The following ABCA13 variants were observed in gnomAD, a reference collection of about 807,000 sequenced individuals.
The protein encoded by ABCA13 is ATP binding cassette subfamily A member 13, also known as ATP-binding cassette sub-family A member 13.
A neutral mutation model predicts 478.7 loss-of-function variants in ABCA13; 476 were observed. The ratio of observed to expected loss-of-function variants is 0.99; its 90% CI spans 0.92 to 1.07. The LOEUF (loss-of-function observed/expected upper bound fraction) is 1.07. Among genes scored for constraint, ABCA13 ranks in the 50% least tolerant of loss-of-function variants. ABCA13 has a pLI of 0.00. For synonymous variants in ABCA13, 2,252 were observed against 2,158.9 expected, an observed-to-expected ratio of 1.04 and a Z score of -1.20; for missense variants, 6,060 against 5,910.6, an observed-to-expected ratio of 1.03 and a Z score of -0.83.
At chr7:48,242,581 G>C (rs765946977) in intron 10 of ABCA13, among the ~76,000 whole-genome samples, 1 of 152,026 alleles carries the variant, frequency 6.6e-6, no homozygotes, top group Non-Finnish European at 1.5e-5. Flanking sequence ...GGGATTACAG[G>C]CTCACACCAC....
At chr7:48,297,411 T>G in intron 22 of ABCA13, 100 bp downstream of exon 22, 1 of 1,136,610 alleles carries the variant, frequency 8.8e-7, no homozygotes, top group African/African-American at 1.6e-5. Flanking sequence ...AAATTTATGC[T>G]ATATGTGATA....
At chr7:48,534,466 G>A (rs188952661) in intron 55 of ABCA13, among the ~76,000 whole-genome samples, 154 of 152,126 alleles carry the variant, frequency 1.0e-3, no homozygotes, top group Admixed American at 2.3e-3. Flanking sequence ...GCATGGTTTT[G>A]AGGGTTCCTT....
chr7:48,392,000 A>C lies in ABCA13; in HGVS notation c.11734A>C (p.Arg3912=), dbSNP rs747465283. 1 of 1,614,008 alleles carries C rather than the reference A, an allele frequency of 6.2e-7. No individual in the cohort carries two copies. Among genetic ancestry groups the C allele is most frequent in the East Asian group, 2.2e-5 (1 of 44,866 alleles). The change falls in exon 38 of 62, where the codon AGG becomes CGG. Residue 3912 remains arginine, a synonymous_variant. Transcript: ENST00000435803. ...CAAGAACCTACAGACAGACCTGTCG[A>C]GGGTCAGAATGGAGCTTGGTGTGTG... The part of the protein sequence containing the change: ...NGKNLQTDLS[R]VRMELGVCPQ...
At chr7:48,262,488 A>G (rs1413273360) in intron 15 of ABCA13, among the ~76,000 whole-genome samples, 1 of 151,868 alleles carries the variant, frequency 6.6e-6, no homozygotes, top group Non-Finnish European at 1.5e-5. Context: ...CTTGAAGTTT[A>G]AGCTTAAACT....
chr7:48,559,331 T>C lies in ABCA13; in HGVS notation c.14355-20893T>C, dbSNP rs548606634. ...ACCATCACTACTGGCTCACAGGGAG[T>C]TCTTCAAGGCCAACGCTGATGTCCC... On this transcript the variant is annotated intron_variant, in intron 55 of 61. Transcript: ENST00000435803. 3.4e-4 allele frequency among the ~76,000 whole-genome samples: 52 copies of C among 151,694 alleles called. 1 individual carries two copies. In the South Asian group the frequency reaches 5.4e-3, roughly 16 times the overall value.
intron 3 of ABCA13, among the ~76,000 whole-genome samples, chr7:48,213,109 T>C (rs1417627421): frequency 6.6e-6 from 1 of 152,210 alleles, no homozygotes; most frequent in Non-Finnish European, 1.5e-5. Context: ...TGGTGTGATG[T>C]AACTTTTGAG....
At chr7:48,637,458 T>C (rs983261654) in intron 59 of ABCA13, among the ~76,000 whole-genome samples, 1 of 145,910 alleles carries the variant, frequency 6.9e-6, no homozygotes, top group African/African-American at 2.6e-5. Flanking sequence ...TTAGCTCTCT[T>C]GGCCTCTCAA....
intron 27 of ABCA13, among the ~76,000 whole-genome samples, chr7:48,324,786 G>T (rs1460846830): frequency 5.3e-5 from 8 of 152,158 alleles, no homozygotes; most frequent in Admixed American, 5.2e-4. Context: ...CATGGCGTTT[G>T]TTCCTTGGGA....
chr7:48,233,919 TC>T, intron 7 of ABCA13, 98 bp from the exon 8 acceptor site: 1 of 1,389,434 alleles, frequency 7.2e-7, no homozygotes, highest in Non-Finnish European at 9.7e-7. Flanking sequence ...CATTTGCTCT[TC>T]CTTTAGAGGT....
At chr7:48,307,179 A>G (rs965142626) in intron 23 of ABCA13, among the ~76,000 whole-genome samples, 38 of 152,258 alleles carry the variant, frequency 2.5e-4, no homozygotes, top group African/African-American at 9.1e-4. Flanking sequence ...GAAATGCATC[A>G]TTAGGTGATA....
chr7:48,373,312 A>T (rs913370108), intron 33 of ABCA13, among the ~76,000 whole-genome samples: 1 of 152,300 alleles, frequency 6.6e-6, no homozygotes, highest in Non-Finnish European at 1.5e-5. Context: ...CCAGCACAGG[A>T]TTCATGACGG....
At chr7:48,232,166 G>GTTTTTTTTTTTTTTTTT (rs1789240529) in intron 7 of ABCA13, among the ~76,000 whole-genome samples, 4 of 14,280 alleles carry the variant, frequency 2.8e-4, no homozygotes, top group Admixed American at 1.1e-3. Flanking sequence ...TTTTTTTTTA[G>GTTTTTTTTTTTTTTTTT]CTTTCTGTAA....
intron 53 of ABCA13, among the ~76,000 whole-genome samples, chr7:48,522,164 G>A (rs1024095807): frequency 2.0e-5 from 3 of 152,128 alleles, no homozygotes; most frequent in African/African-American, 4.8e-5. Flanking sequence ...ACTCATAATT[G>A]AATCTTGCAA....
intron 54 of ABCA13, among the ~76,000 whole-genome samples, 194 bp downstream of exon 54, chr7:48,524,634 CTGAT>C (rs10544128): frequency 0.084 from 12,721 of 152,020 alleles, 909 homozygotes; most frequent in African/African-American, 0.2. Context: ...AAAAACTTGG[CTGAT>C]TGATAGGATT....
intron 38 of ABCA13, among the ~76,000 whole-genome samples, chr7:48,393,309 C>G (rs1162025920): frequency 6.6e-6 from 1 of 152,172 alleles, no homozygotes; most frequent in Non-Finnish European, 1.5e-5. Context: ...GGGCTCTGCC[C>G]CCTCAGGAAG....
intron 27 of ABCA13, among the ~76,000 whole-genome samples, chr7:48,326,726 T>A (rs1328282017): frequency 6.6e-6 from 1 of 152,236 alleles, no homozygotes. Flanking sequence ...TATATTTTAC[T>A]GTATTCTCCA....
At chr7:48,398,618 T>C (rs1817179667) in intron 38 of ABCA13, among the ~76,000 whole-genome samples, 1 of 152,194 alleles carries the variant, frequency 6.6e-6, no homozygotes, top group Non-Finnish European at 1.5e-5. Context: ...TTGCCCTTAA[T>C]TTGGCCTAAA....
At chr7:48,525,368 G>A (rs1832818347) in intron 54 of ABCA13, among the ~76,000 whole-genome samples, 1 of 151,888 alleles carries the variant, frequency 6.6e-6, no homozygotes, top group Non-Finnish European at 1.5e-5. Flanking sequence ...AGTTTTGCCG[G>A]TACCTCTCCA....
At chr7:48,624,342 G>A (rs367675020) in intron 59 of ABCA13, among the ~76,000 whole-genome samples, 2 of 152,124 alleles carry the variant, frequency 1.3e-5, no homozygotes, top group African/African-American at 4.8e-5. Flanking sequence ...GCTGCATGCG[G>A]CATCTATTTG....
Sources: gnomAD v4.1 joint callset for allele counts (sites outside exome capture counted in the v4.1 genomes callset) on GRCh38, gnomAD v4.1.1 for gene constraint, MANE v1.5 for transcripts, NCBI Gene and HGNC (gene_info 2026-07-23, HGNC 2026-07-21) for gene names.